The following CD8B2 variants were observed in gnomAD, a reference collection of about 807,000 sequenced individuals.
CD8B2 encodes the protein T-cell surface glycoprotein CD8 beta-2 chain.
CD8B2 carries 11 observed loss-of-function variants against 23.7 expected under a neutral mutation model. The observed-to-expected ratio is 0.46, with a 90% CI of 0.29 to 0.77. The LOEUF (loss-of-function observed/expected upper bound fraction) is 0.77, where lower values mean the gene tolerates loss of function less well. Ranked by LOEUF, CD8B2 falls within the 30% of genes least tolerant of loss-of-function variation. CD8B2 has a pLI of 0.09. For missense variants in CD8B2, 197 were observed against 270.5 expected, an observed-to-expected ratio of 0.73 and a Z score of 1.91; for synonymous variants, 90 against 109.3, an observed-to-expected ratio of 0.82 and a Z score of 1.10.
intron 5 of CD8B2, among the ~76,000 whole-genome samples, chr2:106,520,941 G>T (rs932953950): frequency 6.7e-6 from 1 of 149,982 alleles, no homozygotes; most frequent in African/African-American, 2.5e-5. Context: ...AAGAGTGGAG[G>T]CTTAATAGGC....
chr2:106,520,085 T>C (rs1281307907), intron 5 of CD8B2, among the ~76,000 whole-genome samples: 1 of 152,184 alleles, frequency 6.6e-6, no homozygotes, highest in Non-Finnish European at 1.5e-5. Context: ...CCAACTTCAG[T>C]GTGGGCTTAG....
At chr2:106,527,847 A>G (rs1007826945) in intron 5 of CD8B2, among the ~76,000 whole-genome samples, 9 of 152,194 alleles carry the variant, frequency 5.9e-5, no homozygotes, top group Non-Finnish European at 1.3e-4. Flanking sequence ...CCCAGGACCC[A>G]GCCTCGCAGG....
chr2:106,502,188 C>T (rs6719735), intron 3 of CD8B2, among the ~76,000 whole-genome samples: 38,938 of 149,818 alleles, frequency 0.26, 5,313 homozygotes, highest in African/African-American at 0.31. Context: ...CCCAGCTACT[C>T]GGGAGGCTAA....
chr2:106,514,187 A>G (rs557736647), downstream of CD8B2, among the ~76,000 whole-genome samples: 1 of 149,382 alleles, frequency 6.7e-6, no homozygotes, highest in African/African-American at 2.5e-5. Flanking sequence ...AGAGGGAGTA[A>G]TACTGTCGGC....
chr2:106,496,394 G>T, intron 3 of CD8B2, 132 bp downstream of exon 3: 3 of 1,415,726 alleles, frequency 2.1e-6, no homozygotes, highest in Non-Finnish European at 2.9e-6. Flanking sequence ...CCCAAGCTAG[G>T]GTCAGAAAGG....
intron 5 of CD8B2, among the ~76,000 whole-genome samples, chr2:106,533,177 G>C (rs551630270): frequency 6.6e-6 from 1 of 152,228 alleles, no homozygotes; most frequent in South Asian, 2.1e-4. Context: ...CCAGGGGACA[G>C]GAATGCCACA....
chr2:106,506,809 C>T lies in CD8B2; in HGVS notation c.621-119C>T, dbSNP rs1022161583. On this transcript the variant is annotated intron_variant, in intron 5 of 5. Transcript: ENST00000643224. ...TAGAAACATACTAACAAAAAACTCT[C>T]GGCCCCAGGCTACTTGGAGTAGAAC... 49 of 1,386,988 alleles carry T rather than the reference C, an allele frequency of 3.5e-5. 1 individual carries two copies. Among genetic ancestry groups the T allele is most frequent in the African/African-American group, 1.2e-4 (8 of 68,990 alleles). 85.9% of individuals were successfully genotyped at this position (1,386,988 alleles called of 1,614,324 possible). A position where few individuals can be genotyped will look rare whatever the true frequency, so the allele number is the denominator to read the frequency against.
exon 6 of CD8B2, chr2:106,544,079 G>A (rs1461595460): frequency 3.3e-5 from 13 of 398,538 alleles, no homozygotes; most frequent in East Asian, 1.8e-4. Context: ...TCAAGAGCAC[G>A]TGGGTGGCCT....
intron 5 of CD8B2, among the ~76,000 whole-genome samples, chr2:106,517,268 C>T (rs973376340): frequency 1.3e-5 from 2 of 152,000 alleles, no homozygotes; most frequent in African/African-American, 4.8e-5. Flanking sequence ...CATGCCGACT[C>T]CCCCAGCCTA....
chr2:106,513,710 C>G (rs1248951974), downstream of CD8B2, among the ~76,000 whole-genome samples: 2 of 151,978 alleles, frequency 1.3e-5, no homozygotes, highest in Non-Finnish European at 2.9e-5. Context: ...GAGGCCATGA[C>G]TCCCACCCCT....
At chr2:106,533,553 G>C (rs1252562027) in intron 5 of CD8B2, among the ~76,000 whole-genome samples, 1 of 152,116 alleles carries the variant, frequency 6.6e-6, no homozygotes, top group Non-Finnish European at 1.5e-5. Flanking sequence ...AGCTGTAGCT[G>C]TTTATCCTGT....
intron 5 of CD8B2, among the ~76,000 whole-genome samples, chr2:106,530,924 TA>T (rs1679982908): frequency 3.3e-5 from 5 of 152,192 alleles, no homozygotes; most frequent in Admixed American, 3.3e-4. Flanking sequence ...CTAGATGGGC[TA>T]AAAAGGGGAG....
At chr2:106,494,269 T>C (rs1274841123) in intron 2 of CD8B2, among the ~76,000 whole-genome samples, 3 of 151,346 alleles carry the variant, frequency 2.0e-5, no homozygotes, top group Admixed American at 2.0e-4. Flanking sequence ...TGCCTCAACC[T>C]CTTGAGTAGC....
intron 3 of CD8B2, among the ~76,000 whole-genome samples, chr2:106,498,152 CT>C (rs59508147): frequency 1.5e-3 from 216 of 145,282 alleles, no homozygotes; most frequent in Middle Eastern, 3.6e-3. Context: ...TTCTTTCTTT[CT>C]TTTTTTTTTT....
In CD8B2 at chr2:106,507,539, A is replaced by C. The variant is rs529165604; in HGVS notation, c.*599A>C. 1.0e-6 allele frequency: 1 copy of C among 982,590 alleles called. No individual in the cohort carries two copies. The highest frequency in any genetic ancestry group is 1.2e-6 in the Non-Finnish European group (1 of 827,462). The allele number at this position is 982,590 out of a possible 1,614,324, so 60.9% of individuals were successfully genotyped here. On this transcript the variant is annotated 3_prime_UTR_variant, in exon 6 of 6. Transcript: ENST00000643224. ...AGTTCACTTCATCTTCTTAGCTCCA[A>C]TTTCTACTCTTAAGTTTCTCAGCTC...
exon 6 of CD8B2, chr2:106,544,205 A>T (rs890266827): frequency 7.6e-6 from 3 of 397,104 alleles, no homozygotes; most frequent in Admixed American, 4.4e-5. Flanking sequence ...GTTGTAAAAA[A>T]GTTACCAACA....
chr2:106,491,294 A>G lies in CD8B2; in HGVS notation c.403+61A>G, dbSNP rs1167227827. Reference sequence around the variant, plus strand: ...ACTGTGTGCCAGGCACGTGCCAGGCACTGGGACCACCAGGCTTCAGTGTGC... The same window carrying G: ...ACTGTGTGCCAGGCACGTGCCAGGCGCTGGGACCACCAGGCTTCAGTGTGC... On this transcript the variant is annotated intron_variant, in intron 2 of 5. Coordinates refer to ENST00000643224, the MANE Select transcript of CD8B2 (RefSeq NM_001349727.2). The G allele has an allele frequency of 8.1e-6, 11 of 1,359,026 alleles. No individual in the cohort carries two copies. The African/African-American group carries it at 1.6e-4, about 19-fold the overall frequency. The allele number at this position is 1,359,026 out of a possible 1,614,324, so 84.2% of individuals were successfully genotyped here. A position where few individuals can be genotyped will look rare whatever the true frequency, so the allele number is the denominator to read the frequency against.
intron 5 of CD8B2, among the ~76,000 whole-genome samples, chr2:106,525,946 TA>T (rs1400490719): frequency 1.3e-5 from 2 of 152,100 alleles, no homozygotes; most frequent in Non-Finnish European, 2.9e-5. Context: ...ACACTTTTTT[TA>T]AAAAAATTAC....
At chr2:106,501,565 C>T (rs1351303976) in intron 3 of CD8B2, among the ~76,000 whole-genome samples, 1 of 152,116 alleles carries the variant, frequency 6.6e-6, no homozygotes, top group African/African-American at 2.4e-5. Context: ...GCCTGTAATC[C>T]CAGCTACTTG....
Sources: allele counts gnomAD v4.1 joint callset (sites outside exome capture counted in the v4.1 genomes callset), GRCh38; gene constraint gnomAD v4.1.1; transcripts MANE v1.5; gene names NCBI Gene and HGNC (gene_info 2026-07-23, HGNC 2026-07-21).